The following TACR1 variants were observed in gnomAD, a reference collection of about 807,000 sequenced individuals.
The protein encoded by TACR1 is tachykinin receptor 1.
Under a neutral mutation model 35.8 loss-of-function variants are expected in TACR1, and 25 were observed. The ratio of observed to expected loss-of-function variants is 0.70; its 90% CI spans 0.51 to 0.98. The LOEUF (loss-of-function observed/expected upper bound fraction) is 0.98, where lower values mean the gene tolerates loss of function less well. Ranked by LOEUF, TACR1 falls within the 50% of genes least tolerant of loss-of-function variation. The probability of loss-of-function intolerance (pLI) is 0.00; values close to 1 mark genes in which losing one functional copy is unlikely to be tolerated. For synonymous variants in TACR1, 195 were observed against 206.7 expected, an observed-to-expected ratio of 0.94 and a Z score of 0.48; for missense variants, 478 against 522.9, an observed-to-expected ratio of 0.91 and a Z score of 0.84.
chr2:75,195,698 T>A (rs6711728), intron 1 of TACR1, among the ~76,000 whole-genome samples: 86,195 of 151,938 alleles, frequency 0.57, 26,519 homozygotes, highest in African/African-American at 0.83. Context: ...AAAATTATCA[T>A]ATATAAATAT....
rs1339655271 is a variant in TACR1 at position 75,049,152 on chromosome 2, A to C, written c.*280T>G. The C allele has an allele frequency of 2.2e-5, 9 of 406,026 alleles. No homozygotes were observed. Among genetic ancestry groups the C allele is most frequent in the African/African-American group, 6.0e-5 (3 of 50,150 alleles). 25.2% of individuals were successfully genotyped at this position (406,026 alleles called of 1,614,324 possible). ...CAGCCAAAGTCACTTCCAGAATGGA[A>C]TGAATGGGCTTTTGGGAAAAGCTGG... On this transcript the variant is annotated 3_prime_UTR_variant, in exon 5 of 5. Coordinates refer to ENST00000305249, the MANE Select transcript of TACR1 (RefSeq NM_001058.4).
intron 1 of TACR1, chr2:75,156,434 CAA>C (rs60552665): frequency 8.9e-5 from 10 of 112,134 alleles, no homozygotes; most frequent in East Asian, 2.4e-4. Flanking sequence ...ACCAAAAATA[CAA>C]AAAAAAAAAA....
rs768969826 is a variant in TACR1 at position 75,049,733 on chromosome 2, G to A, written c.933-10C>T. The A allele has an allele frequency of 3.7e-6, 6 of 1,609,374 alleles. No individual in the cohort carries two copies. Among genetic ancestry groups the A allele is most frequent in the Non-Finnish European group, 4.2e-6 (5 of 1,177,348 alleles). On this transcript the variant is annotated splice_polypyrimidine_tract_variant and intron_variant, in intron 4 of 4. Transcript: ENST00000305249. ...GAAGCCCAGACGGAACCTGGAGAGC[G>A]AGCAGATGAAGAGGTGACCCTTTGG...
chr2:75,132,877 C>T (rs963588174), intron 1 of TACR1, among the ~76,000 whole-genome samples: 4 of 152,166 alleles, frequency 2.6e-5, no homozygotes, highest in Admixed American at 6.5e-5. Context: ...TTTTCTGCTA[C>T]GAACTCTCAG....
chr2:75,103,442 A>G (rs1292360510), intron 2 of TACR1, among the ~76,000 whole-genome samples: 2 of 152,194 alleles, frequency 1.3e-5, no homozygotes, highest in African/African-American at 4.8e-5. Context: ...GCAACCTGAA[A>G]GTGGCCCCAA....
At chr2:75,098,458 AT>A (rs1673467237) in intron 2 of TACR1, among the ~76,000 whole-genome samples, 1 of 152,162 alleles carries the variant, frequency 6.6e-6, no homozygotes, top group African/African-American at 2.4e-5. Flanking sequence ...CTTAAAATTC[AT>A]CCTCAAATAT....
chr2:75,197,300 C>T (rs995213152), intron 1 of TACR1, among the ~76,000 whole-genome samples: 1 of 152,168 alleles, frequency 6.6e-6, no homozygotes, highest in African/African-American at 2.4e-5. Context: ...TCATTGACTA[C>T]AGGAGCTAAA....
intron 2 of TACR1, among the ~76,000 whole-genome samples, chr2:75,066,788 A>G (rs1672770858): frequency 6.6e-6 from 1 of 152,248 alleles, no homozygotes; most frequent in Admixed American, 6.5e-5. Flanking sequence ...CAAATTGGGC[A>G]ATGCAATTTA....
At chr2:75,154,296 G>C (rs543439327) in intron 1 of TACR1, 8 of 152,074 alleles carry the variant, frequency 5.3e-5, no homozygotes. Flanking sequence ...GGAGTAGTCA[G>C]AACCTCCAGA....
At chr2:75,108,192 G>C (rs998187733) in intron 2 of TACR1, among the ~76,000 whole-genome samples, 42 of 152,058 alleles carry the variant, frequency 2.8e-4, no homozygotes, top group African/African-American at 9.9e-4. Flanking sequence ...CCCTAGCCTT[G>C]ATACCAAAAT....
At chr2:75,084,901 G>T (rs2103840428) in intron 2 of TACR1, among the ~76,000 whole-genome samples, 1 of 152,164 alleles carries the variant, frequency 6.6e-6, no homozygotes, top group African/African-American at 2.4e-5. Flanking sequence ...TTGATTATTT[G>T]AAGATTTTTT....
At chr2:75,168,381 T>C (rs1366573825) in intron 1 of TACR1, among the ~76,000 whole-genome samples, 1 of 152,166 alleles carries the variant, frequency 6.6e-6, no homozygotes, top group Non-Finnish European at 1.5e-5. Flanking sequence ...GTCTGCCCAA[T>C]CTAATCAGGT....
intron 2 of TACR1, among the ~76,000 whole-genome samples, chr2:75,106,581 A>C (rs1673648297): frequency 6.6e-6 from 1 of 152,024 alleles, no homozygotes; most frequent in East Asian, 1.9e-4. Context: ...CTGGCAAGGG[A>C]ATATGAGAAT....
intron 1 of TACR1, among the ~76,000 whole-genome samples, chr2:75,197,714 C>G (rs12329178): frequency 1.7e-4 from 26 of 152,196 alleles, no homozygotes; most frequent in African/African-American, 6.3e-4. Context: ...TGTTGGTTGC[C>G]GGAACAGAAG....
chr2:75,139,097 A>G (rs974786873), intron 1 of TACR1, among the ~76,000 whole-genome samples: 1 of 152,202 alleles, frequency 6.6e-6, no homozygotes, highest in Non-Finnish European at 1.5e-5. Flanking sequence ...TTAACATATT[A>G]ATTAAGGCTT....
chr2:75,139,622 A>T (rs1674362551), intron 1 of TACR1, among the ~76,000 whole-genome samples: 1 of 152,238 alleles, frequency 6.6e-6, no homozygotes, highest in South Asian at 2.1e-4. Flanking sequence ...ACTGTTGTAT[A>T]GGAAGTAGAA....
intron 1 of TACR1, among the ~76,000 whole-genome samples, chr2:75,138,653 G>T (rs1453940722): frequency 6.6e-6 from 1 of 152,126 alleles, no homozygotes; most frequent in African/African-American, 2.4e-5. Flanking sequence ...CTGCTGGGTG[G>T]TCGTCATGTC....
At chr2:75,081,062 G>C (rs910815121) in intron 2 of TACR1, among the ~76,000 whole-genome samples, 1 of 152,218 alleles carries the variant, frequency 6.6e-6, no homozygotes, top group East Asian at 1.9e-4. Context: ...CAGACTGCTC[G>C]AGAGAAAAAT....
In TACR1 at chr2:75,048,093, A is replaced by C. The variant is rs955919459; in HGVS notation, c.*1339T>G. ...GACTGTCCTTTAGGGTTGATGAGTCATTCTACCCCTTAGAGACAGGAAGCT... is the reference window on the plus strand; with the variant it reads ...GACTGTCCTTTAGGGTTGATGAGTCCTTCTACCCCTTAGAGACAGGAAGCT... On this transcript the variant is annotated 3_prime_UTR_variant, in exon 5 of 5. Transcript: ENST00000305249. The C allele has an allele frequency of 6.6e-6, 1 of 152,288 alleles. No individual in the cohort carries two copies. The highest frequency in any genetic ancestry group is 1.5e-5 in the Non-Finnish European group (1 of 68,056). The allele number at this position is 152,288 out of a possible 1,614,324, so 9.4% of individuals were successfully genotyped here. A position where few individuals can be genotyped will look rare whatever the true frequency, so the allele number is the denominator to read the frequency against.
Sources: gnomAD v4.1 joint callset for allele counts (sites outside exome capture counted in the v4.1 genomes callset) on GRCh38, gnomAD v4.1.1 for gene constraint, MANE v1.5 for transcripts, NCBI Gene and HGNC (gene_info 2026-07-23, HGNC 2026-07-21) for gene names.